Variants in TTC28 observed in about 807,000 individuals in gnomAD.
TTC28 encodes the protein tetratricopeptide repeat domain 28.
Under a neutral mutation model 198.0 loss-of-function variants are expected in TTC28, and 61 were observed. That is an observed-to-expected ratio of 0.31 (90% confidence interval 0.25 to 0.38). The LOEUF (loss-of-function observed/expected upper bound fraction) is 0.38, where lower values mean the gene tolerates loss of function less well. Among genes scored for constraint, TTC28 ranks in the 10% least tolerant of loss-of-function variants. The pLI is 1.00. For synonymous variants in TTC28, 1,171 were observed against 1,297.8 expected (o/e 0.90, Z 2.10); for missense variants, 2,678 against 3,164.0 (o/e 0.85, Z 3.69).
chr22:28,593,449 A>C (rs1033834867), intron 2 of TTC28, among the ~76,000 whole-genome samples: 2 of 148,724 alleles, frequency 1.3e-5, no homozygotes, highest in African/African-American at 2.5e-5. Flanking sequence ...AGGTAGGTAG[A>C]TAGGTAGATA....
Position 28,181,974 on chromosome 22 carries a change from G to A in TTC28, c.934-18375C>T, listed in dbSNP as rs544121020. ...ATGATGACCAAGTAAAGCTTCTAGA[G>A]ACTTCATAGTTCTATTAGGGAGAAA... On this transcript the variant is annotated intron_variant, in intron 5 of 22. Coordinates refer to ENST00000397906, the MANE Select transcript of TTC28 (RefSeq NM_001145418.2). 2.6e-5 allele frequency among the ~76,000 whole-genome samples: 4 copies of A among 152,310 alleles called. No homozygotes were observed. The South Asian group carries it at 8.3e-4, about 32-fold the overall frequency.
chr22:27,986,874 A>C (rs1239882788), intron 21 of TTC28, among the ~76,000 whole-genome samples: 1 of 152,216 alleles, frequency 6.6e-6, no homozygotes, highest in Non-Finnish European at 1.5e-5. Context: ...GGAAGACATA[A>C]TCAGAGAACT....
At chr22:28,505,543 C>G (rs993633562) in intron 2 of TTC28, among the ~76,000 whole-genome samples, 2 of 152,190 alleles carry the variant, frequency 1.3e-5, no homozygotes, top group Non-Finnish European at 2.9e-5. Context: ...GGGAACCACA[C>G]TTCTCCCATG....
At chr22:28,582,487 C>T (rs1457016564) in intron 2 of TTC28, among the ~76,000 whole-genome samples, 1 of 151,996 alleles carries the variant, frequency 6.6e-6, no homozygotes, top group East Asian at 1.9e-4. Flanking sequence ...AAGACACCAC[C>T]TAATTATTTT....
intron 2 of TTC28, among the ~76,000 whole-genome samples, chr22:28,507,576 C>A (rs1001174064): frequency 7.2e-5 from 11 of 152,076 alleles, no homozygotes; most frequent in Non-Finnish European, 1.0e-4. Flanking sequence ...AAATACTCCA[C>A]AAGAAGACCA....
chr22:28,250,058 G>A (rs1050149341), intron 5 of TTC28, among the ~76,000 whole-genome samples: 2 of 152,130 alleles, frequency 1.3e-5, no homozygotes, highest in Non-Finnish European at 2.9e-5. Flanking sequence ...GTAAGCAATT[G>A]GCAAATCTCA....
chr22:28,327,962 G>C (rs1057008788), intron 2 of TTC28, among the ~76,000 whole-genome samples: 1 of 152,116 alleles, frequency 6.6e-6, no homozygotes, highest in African/African-American at 2.4e-5. Context: ...TTGTTCCAGT[G>C]AAAATTCAAG....
At chr22:27,995,144 C>G (rs71325272) in intron 17 of TTC28, among the ~76,000 whole-genome samples, 1 of 152,168 alleles carries the variant, frequency 6.6e-6, no homozygotes, top group South Asian at 2.1e-4. Context: ...CTGTTCAGGC[C>G]CAACCCACGG....
At chr22:28,264,481 A>C (rs1931544212) in intron 5 of TTC28, among the ~76,000 whole-genome samples, 1 of 152,172 alleles carries the variant, frequency 6.6e-6, no homozygotes, top group African/African-American at 2.4e-5. Flanking sequence ...AAAATGTTTA[A>C]ATGTGTTCAG....
At chr22:28,369,875 A>G (rs1484614660) in intron 2 of TTC28, among the ~76,000 whole-genome samples, 1 of 152,208 alleles carries the variant, frequency 6.6e-6, no homozygotes, top group Non-Finnish European at 1.5e-5. Flanking sequence ...ATGAGATGAA[A>G]TCATATATAT....
In TTC28 at chr22:28,107,941, T is replaced by C; in HGVS notation, c.1904A>G (p.Lys635Arg). Residue 635 changes from lysine (K) to arginine (R), a missense_variant, in exon 7 of 23, where the codon AAG becomes AGG. Lys to Arg is a conservative substitution (Grantham distance 26). Transcript: ENST00000397906. The stretch of plus-strand genomic sequence containing the variant: ...GGCATAGCCAAGATTGTGGCAGACC[T>C]TCCCTTCTCCTTCCATGTCTTGAAG... Reference protein sequence around the residue: ...PDLQDMEGEGKVCHNLGYAHY... With the variant: ...PDLQDMEGEGRVCHNLGYAHY... 6.4e-7 allele frequency: 1 copy of C among 1,551,700 alleles called. No individual in the cohort carries two copies. Among genetic ancestry groups the C allele is most frequent in the East Asian group, 2.4e-5 (1 of 40,910 alleles).
chr22:28,288,406 T>C (rs912309691), intron 5 of TTC28, among the ~76,000 whole-genome samples: 1 of 152,142 alleles, frequency 6.6e-6, no homozygotes, highest in African/African-American at 2.4e-5. Context: ...AAATACCTAA[T>C]AGAAATAAGT....
At chr22:28,455,490 GATC>G (rs2047845435) in intron 2 of TTC28, among the ~76,000 whole-genome samples, 1 of 152,048 alleles carries the variant, frequency 6.6e-6, no homozygotes. Flanking sequence ...GAGGTGGGTG[GATC>G]ACCTGAGGTC....
chr22:28,490,234 T>G (rs1352696100), intron 2 of TTC28, among the ~76,000 whole-genome samples: 1 of 152,324 alleles, frequency 6.6e-6, no homozygotes, highest in East Asian at 1.9e-4. Flanking sequence ...TCCAATCAAG[T>G]TGACACTCAG....
At chr22:28,063,262 C>T (rs188511538) in intron 12 of TTC28, among the ~76,000 whole-genome samples, 235 of 152,260 alleles carry the variant, frequency 1.5e-3, no homozygotes, top group Non-Finnish European at 2.7e-3. Context: ...TCCAAGATAT[C>T]CATGTCCCCC....
intron 12 of TTC28, among the ~76,000 whole-genome samples, chr22:28,052,402 C>T (rs1940122770): frequency 6.6e-6 from 1 of 152,162 alleles, no homozygotes; most frequent in Admixed American, 6.5e-5. Context: ...CCCCACAAAG[C>T]TCCGCAAGAT....
chr22:28,387,013 G>A (rs62237623), intron 2 of TTC28, among the ~76,000 whole-genome samples: 1 of 151,774 alleles, frequency 6.6e-6, no homozygotes, highest in African/African-American at 2.4e-5. Context: ...CCCAAAACAG[G>A]CCCCAGAGTG....
At chr22:28,124,848 G>C (rs1394751303) in intron 6 of TTC28, among the ~76,000 whole-genome samples, 4 of 152,144 alleles carry the variant, frequency 2.6e-5, no homozygotes, top group Non-Finnish European at 4.4e-5. Context: ...GAAGGTAGAG[G>C]TAATTTTTTA....
intron 21 of TTC28, among the ~76,000 whole-genome samples, chr22:27,988,281 C>CTTTTTT (rs138641): frequency 5.9e-4 from 59 of 99,418 alleles, no homozygotes; most frequent in African/African-American, 1.6e-3. Flanking sequence ...AAGAAGCTTG[C>CTTTTTT]TTTTTTTTTT....
Sources: gnomAD v4.1 joint callset for allele counts (sites outside exome capture counted in the v4.1 genomes callset) on GRCh38, gnomAD v4.1.1 for gene constraint, MANE v1.5 for transcripts, NCBI Gene and HGNC (gene_info 2026-07-23, HGNC 2026-07-21) for gene names.